The following NEBL variants were observed in gnomAD, a reference collection of about 807,000 sequenced individuals.
NEBL encodes LIM and SH3 protein 2.
In NEBL, 122 loss-of-function variants were observed where a neutral mutation model predicts 140.2. The observed-to-expected ratio is 0.87, with a 90% CI of 0.75 to 1.01. The LOEUF is 1.01. NEBL is among the 50% of genes least tolerant of loss of function. The probability of loss-of-function intolerance (pLI) is 0.00; values close to 1 mark genes in which losing one functional copy is unlikely to be tolerated. For synonymous variants in NEBL, 436 were observed against 398.9 expected, an observed-to-expected ratio of 1.09 and a Z score of -1.11; for missense variants, 1,365 against 1,231.3, an observed-to-expected ratio of 1.11 and a Z score of -1.62.
At chr10:21,286,891 G>T (rs1843063309) in intron 1 of NEBL, among the ~76,000 whole-genome samples, 1 of 152,034 alleles carries the variant, frequency 6.6e-6, no homozygotes, top group Non-Finnish European at 1.5e-5. Flanking sequence ...AATCATACAG[G>T]AACAGACAAT....
At chr10:20,821,512 C>G (rs1360252688) in intron 19 of NEBL, among the ~76,000 whole-genome samples, 1 of 152,064 alleles carries the variant, frequency 6.6e-6, no homozygotes, top group South Asian at 2.1e-4. Flanking sequence ...CAAATAACAC[C>G]TACAATGTTA....
At position 20,852,543 on chromosome 10, in the gene NEBL, A is replaced by G. The variant is rs1360010579; in HGVS notation, c.1008+2T>C. 2 of 1,610,236 alleles carry G rather than the reference A, an allele frequency of 1.2e-6. No homozygotes were observed. Among genetic ancestry groups the G allele is most frequent in the Non-Finnish European group, 1.7e-6 (2 of 1,177,456 alleles). On this transcript the variant is annotated splice_donor_variant, in intron 10 of 27. Coordinates refer to ENST00000377122, the MANE Select transcript of NEBL (RefSeq NM_006393.3). LOFTEE classifies it high-confidence loss of function. Reference sequence around the variant, plus strand: ...GTAGGTACCGTACGGGCAAGTGTGTACCTGACTTTGGAGGACGGCATTGCC... The same window carrying G: ...GTAGGTACCGTACGGGCAAGTGTGTGCCTGACTTTGGAGGACGGCATTGCC...
At chr10:21,288,848 A>T (rs1779193499) in intron 1 of NEBL, among the ~76,000 whole-genome samples, 2 of 89,954 alleles carry the variant, frequency 2.2e-5, no homozygotes, top group Admixed American at 1.4e-4. Flanking sequence ...ATATATATAT[A>T]TAAAAATTTT....
chr10:21,216,564 A>C (rs1286832822), intron 3 of NEBL, among the ~76,000 whole-genome samples: 2 of 152,104 alleles, frequency 1.3e-5, no homozygotes, highest in Admixed American at 1.3e-4. Context: ...TGAGGTCAGG[A>C]GTTCGATACC....
intron 7 of NEBL, among the ~76,000 whole-genome samples, chr10:20,866,956 C>CA (rs549907951): frequency 1.3e-4 from 19 of 151,868 alleles, no homozygotes; most frequent in African/African-American, 3.9e-4. Flanking sequence ...AAACTATATA[C>CA]AAAAATAAAT....
intron 1 of NEBL, among the ~76,000 whole-genome samples, chr10:21,257,720 C>T (rs4508101): frequency 0.056 from 8,456 of 152,126 alleles, 471 homozygotes; most frequent in African/African-American, 0.14. Context: ...CCCATCTCTA[C>T]TAAAAATACA....
At chr10:20,870,195 G>T (rs1844778224) in intron 5 of NEBL, among the ~76,000 whole-genome samples, 1 of 151,642 alleles carries the variant, frequency 6.6e-6, no homozygotes, top group Non-Finnish European at 1.5e-5. Context: ...GGCATGGTGT[G>T]TGCGCCTGTA....
At chr10:20,989,886 G>T (rs1243553356) in intron 3 of NEBL, among the ~76,000 whole-genome samples, 1 of 152,050 alleles carries the variant, frequency 6.6e-6, no homozygotes, top group Non-Finnish European at 1.5e-5. Context: ...TGGGGAAAAA[G>T]AACATCTTTA....
intron 2 of NEBL, among the ~76,000 whole-genome samples, chr10:21,083,342 T>C (rs1404402142): frequency 6.6e-6 from 1 of 152,200 alleles, no homozygotes; most frequent in Non-Finnish European, 1.5e-5. Flanking sequence ...CAGGAAGTTT[T>C]TGTCCCTTCT....
chr10:20,866,215 A>G (rs1414084448), intron 7 of NEBL, among the ~76,000 whole-genome samples: 1 of 152,028 alleles, frequency 6.6e-6, no homozygotes, highest in Non-Finnish European at 1.5e-5. Context: ...CCATTCTGGG[A>G]AGGGGGCGTT....
intron 3 of NEBL, among the ~76,000 whole-genome samples, chr10:21,216,988 G>A (rs1288659043): frequency 4.0e-5 from 5 of 125,632 alleles, no homozygotes; most frequent in South Asian, 2.2e-4. Flanking sequence ...ACTCAGTCTC[G>A]AAGAAAAAAA....
At chr10:20,786,458 A>G (rs962033746) in intron 27 of NEBL, among the ~76,000 whole-genome samples, 1 of 152,218 alleles carries the variant, frequency 6.6e-6, no homozygotes, top group Non-Finnish European at 1.5e-5. Flanking sequence ...GTTAAGATAC[A>G]TACTCAATTG....
Position 20,999,162 on chromosome 10 carries a change from GAA to G in NEBL, c.249+20953_249+20954del, listed in dbSNP as rs1221089029. On this transcript the variant is annotated intron_variant, in intron 3 of 6. Coordinates refer to the NEBL transcript ENST00000417816. ...ACAGAAACCCAGAGGTGTGTGGGGG[GAA>G]AAAAAAAAAAAAAGGCTGTCAGGGA... Among the ~76,000 whole-genome samples the G allele has an allele frequency of 1.6e-3, 224 of 136,132 alleles. 1 individual carries two copies. Among genetic ancestry groups the G allele is most frequent in the South Asian group, 4.9e-3 (20 of 4,080 alleles). The allele number at this position is 136,132 out of a possible 152,430, so 89.3% of individuals were successfully genotyped here. A position where few individuals can be genotyped will look rare whatever the true frequency, so the allele number is the denominator to read the frequency against.
intron 2 of NEBL, among the ~76,000 whole-genome samples, chr10:21,155,743 C>G (rs993725731): frequency 6.6e-6 from 1 of 152,154 alleles, no homozygotes; most frequent in African/African-American, 2.4e-5. Flanking sequence ...TTACCTGGTT[C>G]CAGAGAGAAA....
At chr10:21,092,197 G>A (rs577121862) in intron 2 of NEBL, among the ~76,000 whole-genome samples, 1 of 152,168 alleles carries the variant, frequency 6.6e-6, no homozygotes, top group East Asian at 1.9e-4. Context: ...ATTGATTGTG[G>A]GAACAAGGAT....
intron 2 of NEBL, among the ~76,000 whole-genome samples, chr10:21,096,490 T>A (rs1837192144): frequency 1.3e-5 from 1 of 79,334 alleles, no homozygotes; most frequent in East Asian, 3.2e-4. Flanking sequence ...TGGTTTTGAG[T>A]GTGTGTGTGT....
chr10:20,856,226 C>T (rs992975825), intron 9 of NEBL, among the ~76,000 whole-genome samples: 3 of 152,142 alleles, frequency 2.0e-5, no homozygotes, highest in African/African-American at 4.8e-5. Flanking sequence ...AAATAAGTAA[C>T]GTATGACTTT....
chr10:20,805,652 A>G (rs1470920724), intron 26 of NEBL, among the ~76,000 whole-genome samples: 1 of 152,124 alleles, frequency 6.6e-6, no homozygotes, highest in Non-Finnish European at 1.5e-5. Flanking sequence ...CTGGAGTTCA[A>G]GACCAGCCTG....
chr10:20,842,323 T>G (rs1256434962), intron 12 of NEBL, among the ~76,000 whole-genome samples: 1 of 152,090 alleles, frequency 6.6e-6, no homozygotes, highest in Admixed American at 6.6e-5. Flanking sequence ...TAACTCAACC[T>G]TGATTTCCAC....
Sources: gnomAD v4.1 joint callset for allele counts (sites outside exome capture counted in the v4.1 genomes callset) on GRCh38, gnomAD v4.1.1 for gene constraint, MANE v1.5 for transcripts, NCBI Gene and HGNC (gene_info 2026-07-23, HGNC 2026-07-21) for gene names.